Variants in TENM1 observed in about 807,000 individuals in gnomAD.
The protein encoded by TENM1 is teneurin-1.
Under a neutral mutation model 174.8 loss-of-function variants are expected in TENM1, and 35 were observed. That is an observed-to-expected ratio of 0.20 (90% CI 0.15 to 0.27). TENM1 has a LOEUF of 0.27. Among genes scored for constraint, TENM1 ranks in the 10% least tolerant of loss-of-function variants. The probability of loss-of-function intolerance (pLI) is 1.00; values close to 1 mark genes in which losing one functional copy is unlikely to be tolerated. For missense variants in TENM1, 1,633 were observed against 2,130.1 expected (o/e 0.77, Z 4.59); for synonymous variants, 781 against 798.7 (o/e 0.98, Z 0.37).
rs140430176 is a variant in TENM1, at chrX:124,745,084, G to C, written c.536-7887C>G. 1.2e-3 allele frequency among the ~76,000 whole-genome samples: 139 copies of C among 112,006 alleles called. 1 individual carries two copies. The highest frequency in any genetic ancestry group is 4.4e-3 in the African/African-American group (136 of 30,921). ...AGAGTATAAAAAAGCATAGAGGCTA[G>C]GGAAGCCTCGGAAAGGTTTCACCCT... On this transcript the variant is annotated intron_variant, in intron 3 of 31. Transcript: ENST00000422452.
chrX:124,690,394 G>T (rs1366708051), intron 5 of TENM1, among the ~76,000 whole-genome samples: 1 of 111,246 alleles, frequency 9.0e-6, no homozygotes, highest in Non-Finnish European at 1.9e-5. Flanking sequence ...TACTACTGAG[G>T]TGTTATTGCT....
At chrX:124,789,933 C>T (rs1307369653) in intron 3 of TENM1, among the ~76,000 whole-genome samples, 1 of 111,776 alleles carries the variant, frequency 8.9e-6, no homozygotes, top group Non-Finnish European at 1.9e-5. Context: ...CATTTTCATG[C>T]TGCTGATAAA....
chrX:124,514,330 A>C (rs1602575766), intron 18 of TENM1, among the ~76,000 whole-genome samples: 1 of 90,471 alleles, frequency 1.1e-5, no homozygotes, highest in African/African-American at 4.0e-5. Flanking sequence ...AACAACCCCC[A>C]TCGAAACCCA....
the TENM1 span, among the ~76,000 whole-genome samples, chrX:125,079,435 C>A: frequency 8.9e-6 from 1 of 111,932 alleles, no homozygotes; most frequent in African/African-American, 3.2e-5. Context: ...ACTGGTCATA[C>A]TGGAAGAATA....
exon 32 of TENM1, chrX:124,379,383 A>G (rs2060132997): frequency 8.9e-6 from 1 of 112,408 alleles, no homozygotes; most frequent in African/African-American, 3.2e-5. Flanking sequence ...TGGCTGGGAG[A>G]TGTTCAATAC....
chrX:124,690,141 T>C (rs1031688567), intron 5 of TENM1, among the ~76,000 whole-genome samples: 7 of 112,005 alleles, frequency 6.2e-5, no homozygotes, highest in Admixed American at 5.7e-4. Flanking sequence ...TGTTGTTCAG[T>C]GTATAATCAA....
At position 124,865,623 on chromosome X, in the gene TENM1, C is replaced by G. The variant is rs186305209; in HGVS notation, c.535+28673G>C. Among the ~76,000 whole-genome samples the G allele has an allele frequency of 1.6e-4, 18 of 111,320 alleles. 1 individual carries two copies. The Middle Eastern group carries it at 0.019, about 115-fold the overall frequency. ...GAAGAAAGAGAAGACCACTTAACAA[C>G]TAAAAGACAAATAACAAAATGGCAG... On this transcript the variant is annotated intron_variant, in intron 3 of 31. Coordinates refer to ENST00000422452, the Ensembl canonical transcript of TENM1.
At chrX:124,573,550 G>T (rs2049102779) in intron 11 of TENM1, among the ~76,000 whole-genome samples, 2 of 111,897 alleles carry the variant, frequency 1.8e-5, no homozygotes, top group Admixed American at 9.5e-5. Flanking sequence ...AGAACTGACT[G>T]TTCTATTGAA....
At chrX:124,798,085 C>G (rs141647468) in intron 3 of TENM1, among the ~76,000 whole-genome samples, 1 of 111,994 alleles carries the variant, frequency 8.9e-6, no homozygotes, top group African/African-American at 3.3e-5. Flanking sequence ...TTTATCCAGT[C>G]TATCATCAAT....
chrX:124,786,577 A>G (rs1857875809), intron 3 of TENM1, among the ~76,000 whole-genome samples: 1 of 112,060 alleles, frequency 8.9e-6, no homozygotes, highest in Non-Finnish European at 1.9e-5. Flanking sequence ...ACTATCCACA[A>G]ATTGAACATT....
chrX:125,051,130 C>T, the TENM1 span, among the ~76,000 whole-genome samples: 1 of 111,342 alleles, frequency 9.0e-6, no homozygotes, highest in Admixed American at 9.6e-5. Context: ...AGGAATCCAA[C>T]TTACAAAAGG....
At chrX:124,565,655 A>G in intron 11 of TENM1, 95 bp from the exon 15 acceptor site, 1 of 538,205 alleles carries the variant, frequency 1.9e-6, no homozygotes, top group Non-Finnish European at 2.6e-6. Flanking sequence ...ATCCCTGTCT[A>G]TATTTATATT....
At chrX:125,142,610 T>C in the TENM1 span, among the ~76,000 whole-genome samples, 2 of 110,642 alleles carry the variant, frequency 1.8e-5, no homozygotes, top group Non-Finnish European at 3.8e-5. Flanking sequence ...CCCACTGCTA[T>C]ACAACATGAC....
chrX:124,847,670 T>C (rs1201370683), intron 3 of TENM1, among the ~76,000 whole-genome samples: 5 of 111,786 alleles, frequency 4.5e-5, no homozygotes, highest in African/African-American at 1.6e-4. Flanking sequence ...ACTCAGAATA[T>C]ATCTGTCAGA....
At chrX:124,616,732 C>T (rs1251621260) in intron 11 of TENM1, among the ~76,000 whole-genome samples, 4 of 112,055 alleles carry the variant, frequency 3.6e-5, no homozygotes, top group African/African-American at 1.3e-4. Flanking sequence ...ATTGTATGTG[C>T]AGCATCTAAA....
intron 5 of TENM1, among the ~76,000 whole-genome samples, chrX:124,685,561 G>GTT (rs201481902): frequency 5.3e-5 from 5 of 94,490 alleles, no homozygotes; most frequent in Non-Finnish European, 8.5e-5. Context: ...AAGCAAATCT[G>GTT]TTTTTTTTTT....
intron 3 of TENM1, among the ~76,000 whole-genome samples, chrX:124,808,898 A>T (rs1241751669): frequency 8.9e-6 from 1 of 112,019 alleles, no homozygotes; most frequent in Non-Finnish European, 1.9e-5. Flanking sequence ...GATCTCAAAT[A>T]AACAGCCTAA....
the TENM1 span, among the ~76,000 whole-genome samples, chrX:125,162,735 C>T: frequency 8.9e-6 from 1 of 111,747 alleles, no homozygotes; most frequent in Non-Finnish European, 1.9e-5. Context: ...GCCACAGCTT[C>T]AATTAACATC....
At chrX:124,642,228 C>CCACA (rs943098384) in intron 10 of TENM1, among the ~76,000 whole-genome samples, 1 of 112,321 alleles carries the variant, frequency 8.9e-6, no homozygotes, top group African/African-American at 3.2e-5. Flanking sequence ...GAAAAGGAAA[C>CCACA]CACACATGTG....
Sources: allele counts gnomAD v4.1 joint callset (sites outside exome capture counted in the v4.1 genomes callset), GRCh38; gene constraint gnomAD v4.1.1; transcripts MANE v1.5; gene names NCBI Gene and HGNC (gene_info 2026-07-23, HGNC 2026-07-21).